The following MAPK8 variants were observed in gnomAD, a reference collection of about 807,000 sequenced individuals.
The protein encoded by MAPK8 is JUN N-terminal kinase.
A neutral mutation model predicts 52.9 loss-of-function variants in MAPK8; 13 were observed. The ratio of observed to expected loss-of-function variants is 0.25; its 90% CI spans 0.16 to 0.39. MAPK8 has a LOEUF of 0.39. Ranked by LOEUF, MAPK8 falls within the 10% of genes least tolerant of loss-of-function variation. The pLI, the probability that MAPK8 is intolerant of heterozygous loss-of-function variation, is 1.00. For missense variants in MAPK8, 300 were observed against 519.2 expected, an observed-to-expected ratio of 0.58 and a Z score of 4.10; for synonymous variants, 191 against 169.8, an observed-to-expected ratio of 1.12 and a Z score of -0.97.
At chr10:48,400,979 T>A (rs1178925858) in intron 1 of MAPK8, among the ~76,000 whole-genome samples, 4 of 152,068 alleles carry the variant, frequency 2.6e-5, no homozygotes, top group South Asian at 2.1e-4. Flanking sequence ...CCTAACTACT[T>A]CTCTCTCTCT....
chr10:48,338,037 A>G (rs1844866304), intron 1 of MAPK8, among the ~76,000 whole-genome samples: 1 of 152,164 alleles, frequency 6.6e-6, no homozygotes, highest in Non-Finnish European at 1.5e-5. Context: ...GCTGATACCA[A>G]TCTTACTGAA....
At chr10:48,372,955 GA>G (rs2040415490) in intron 1 of MAPK8, among the ~76,000 whole-genome samples, 1 of 152,102 alleles carries the variant, frequency 6.6e-6, no homozygotes, top group Non-Finnish European at 1.5e-5. Flanking sequence ...AGGTTGAAAT[GA>G]AGGAAAAAAT....
At chr10:48,312,666 A>G (rs1290448196) in intron 1 of MAPK8, among the ~76,000 whole-genome samples, 1 of 152,346 alleles carries the variant, frequency 6.6e-6, no homozygotes, top group Non-Finnish European at 1.5e-5. Context: ...GGGTCAACCA[A>G]AGGTAAGATA....
chr10:48,342,824 A>AG (rs1845435435), intron 1 of MAPK8, among the ~76,000 whole-genome samples: 1 of 152,218 alleles, frequency 6.6e-6, no homozygotes. Flanking sequence ...AATGTCATGT[A>AG]GGCATTTGAG....
chr10:48,314,024 C>A (rs1842247429), intron 1 of MAPK8, among the ~76,000 whole-genome samples: 1 of 152,176 alleles, frequency 6.6e-6, no homozygotes, highest in South Asian at 2.1e-4. Context: ...ATGTAAATGG[C>A]ATGCTTTTTT....
At chr10:48,330,780 A>G (rs1413040700) in intron 1 of MAPK8, among the ~76,000 whole-genome samples, 1 of 152,094 alleles carries the variant, frequency 6.6e-6, no homozygotes, top group East Asian at 1.9e-4. Flanking sequence ...CCCCCTTAAA[A>G]GGTTATACTC....
At chr10:48,384,255 A>G (rs2041181328) in intron 1 of MAPK8, among the ~76,000 whole-genome samples, 1 of 152,158 alleles carries the variant, frequency 6.6e-6, no homozygotes, top group Non-Finnish European at 1.5e-5. Context: ...GTCTCAAAAA[A>G]TAAAAAGACA....
intron 1 of MAPK8, among the ~76,000 whole-genome samples, chr10:48,374,825 A>C (rs1317251119): frequency 1.3e-5 from 2 of 152,222 alleles, no homozygotes; most frequent in African/African-American, 2.4e-5. Context: ...AGGAGCTGGT[A>C]CCATTCCTTC....
intron 1 of MAPK8, among the ~76,000 whole-genome samples, chr10:48,374,507 GAA>G (rs1171630818): frequency 6.6e-6 from 1 of 151,972 alleles, no homozygotes; most frequent in Admixed American, 6.6e-5. Flanking sequence ...TAATAAAGAA[GAA>G]AAGAGAGAAG....
At chr10:48,424,664 GTATT>G in intron 7 of MAPK8, 1 of 866,064 alleles carries the variant, frequency 1.2e-6, no homozygotes, top group Non-Finnish European at 1.8e-6. Flanking sequence ...CAGGTATAAT[GTATT>G]TTGTCTCTCC....
chr10:48,386,579 T>C (rs1564565186), intron 1 of MAPK8, among the ~76,000 whole-genome samples: 1 of 152,182 alleles, frequency 6.6e-6, no homozygotes, highest in Non-Finnish European at 1.5e-5. Flanking sequence ...TACAAAGTAA[T>C]TTTAGAATCT....
intron 1 of MAPK8, among the ~76,000 whole-genome samples, chr10:48,378,978 G>GT (rs1207099548): frequency 6.6e-6 from 1 of 152,120 alleles, no homozygotes; most frequent in Non-Finnish European, 1.5e-5. Flanking sequence ...TGCAAAAAAA[G>GT]TTTTAGAGTT....
At chr10:48,351,511 T>TGTGTGTCAGGACACAATTTGTGTCAG (rs1846325147) in intron 1 of MAPK8, among the ~76,000 whole-genome samples, 1 of 151,934 alleles carries the variant, frequency 6.6e-6, no homozygotes, top group East Asian at 1.9e-4. Flanking sequence ...CACCTCGCCC[T>TGTGTGTCAGGACACAATTTGTGTCAG]GACACAAATT....
intron 5 of MAPK8, among the ~76,000 whole-genome samples, chr10:48,417,254 T>G (rs994467216): frequency 2.6e-5 from 4 of 152,234 alleles, no homozygotes; most frequent in African/African-American, 9.6e-5. Flanking sequence ...ATTTCTTATC[T>G]TTCTGATTGT....
chr10:48,425,836 T>TTATAAATG, intron 7 of MAPK8, 52 bp from the exon 8 acceptor site: 1 of 1,005,302 alleles, frequency 9.9e-7, no homozygotes, highest in Non-Finnish European at 1.5e-6. Flanking sequence ...TGAATATGAC[T>TTATAAATG]AATGTATTGA....
At chr10:48,365,415 A>G (rs568099646) in intron 1 of MAPK8, among the ~76,000 whole-genome samples, 3 of 152,316 alleles carry the variant, frequency 2.0e-5, no homozygotes, top group African/African-American at 7.2e-5. Context: ...TATCTAAGAT[A>G]AATATCCTCC....
intron 4 of MAPK8, 34 bp downstream of exon 4, chr10:48,409,971 T>TACATTTTTTG (rs1290961996): frequency 1.2e-6 from 2 of 1,608,022 alleles, no homozygotes; most frequent in Non-Finnish European, 1.7e-6. Context: ...GTTAAGTTAG[T>TACATTTTTTG]ACATTTTTCT....
intron 1 of MAPK8, among the ~76,000 whole-genome samples, chr10:48,390,128 A>G (rs1458453485): frequency 6.6e-6 from 1 of 152,150 alleles, no homozygotes; most frequent in Non-Finnish European, 1.5e-5. Flanking sequence ...TAAAGGCAGG[A>G]AAACACCAAT....
chr10:48,393,281 G>A (rs1259354453), intron 1 of MAPK8, among the ~76,000 whole-genome samples: 3 of 151,594 alleles, frequency 2.0e-5, no homozygotes, highest in Non-Finnish European at 2.9e-5. Context: ...ATGTCTTAAA[G>A]TTATCTCAGA....
Sources: gnomAD v4.1 joint callset for allele counts (sites outside exome capture counted in the v4.1 genomes callset) on GRCh38, gnomAD v4.1.1 for gene constraint, MANE v1.5 for transcripts, NCBI Gene and HGNC (gene_info 2026-07-23, HGNC 2026-07-21) for gene names.